Variants in SEMA5A observed in about 807,000 individuals in gnomAD.
SEMA5A encodes semaphorin-5A.
Under a neutral mutation model 135.5 loss-of-function variants are expected in SEMA5A, and 55 were observed. The observed-to-expected ratio is 0.41, with a 90% confidence interval of 0.33 to 0.51. The LOEUF (loss-of-function observed/expected upper bound fraction) is 0.51, where lower values mean the gene tolerates loss of function less well. Ranked by LOEUF, SEMA5A falls within the 20% of genes least tolerant of loss-of-function variation. The pLI is 0.37. For synonymous variants in SEMA5A, 580 were observed against 546.5 expected, an observed-to-expected ratio of 1.06 and a Z score of -0.85; for missense variants, 1,290 against 1,419.9, an observed-to-expected ratio of 0.91 and a Z score of 1.47.
chr5:9,148,965 C>A (rs987110642), intron 12 of SEMA5A, among the ~76,000 whole-genome samples: 22 of 152,272 alleles, frequency 1.4e-4, no homozygotes, highest in African/African-American at 5.3e-4. Context: ...AGTGATCTGC[C>A]CTCCTCAGCC....
chr5:9,155,317 C>A (rs780263168), intron 11 of SEMA5A, among the ~76,000 whole-genome samples: 8 of 152,098 alleles, frequency 5.3e-5, no homozygotes, highest in Non-Finnish European at 8.8e-5. Flanking sequence ...TAATTTCTGG[C>A]CTGATCCAAG....
At chr5:9,495,971 C>T (rs1002272720) in intron 1 of SEMA5A, among the ~76,000 whole-genome samples, 1 of 152,116 alleles carries the variant, frequency 6.6e-6, no homozygotes, top group Admixed American at 6.5e-5. Context: ...TCATGAGGAC[C>T]CAGATTTTTG....
intron 7 of SEMA5A, 56 bp downstream of exon 7, chr5:9,226,813 C>T (rs955098846): frequency 1.9e-5 from 26 of 1,354,700 alleles, no homozygotes; most frequent in Non-Finnish European, 2.6e-5. Flanking sequence ...TATTTTTACA[C>T]AATGTTTTGC....
At chr5:9,346,222 C>A (rs1468798909) in intron 3 of SEMA5A, among the ~76,000 whole-genome samples, 1 of 151,790 alleles carries the variant, frequency 6.6e-6, no homozygotes, top group East Asian at 1.9e-4. Flanking sequence ...GATGGTGTAA[C>A]TTTGAAGAAG....
intron 13 of SEMA5A, among the ~76,000 whole-genome samples, chr5:9,126,118 T>C (rs1057349742): frequency 2.0e-5 from 3 of 152,126 alleles, no homozygotes; most frequent in African/African-American, 7.2e-5. Flanking sequence ...ACACAATATA[T>C]AGGTCTGTAC....
At chr5:9,384,758 C>T (rs1013547092) in intron 2 of SEMA5A, among the ~76,000 whole-genome samples, 1 of 151,412 alleles carries the variant, frequency 6.6e-6, no homozygotes, top group African/African-American at 2.4e-5. Flanking sequence ...ATACATACAT[C>T]TGCATATGCA....
intron 1 of SEMA5A, among the ~76,000 whole-genome samples, chr5:9,535,877 G>A (rs903940704): frequency 6.6e-6 from 1 of 152,170 alleles, no homozygotes; most frequent in African/African-American, 2.4e-5. Flanking sequence ...CAAGAGCACC[G>A]TCCAGTGTGA....
intron 3 of SEMA5A, among the ~76,000 whole-genome samples, chr5:9,349,421 GA>G (rs565327883): frequency 3.9e-4 from 59 of 152,288 alleles, no homozygotes; most frequent in African/African-American, 1.3e-3. Flanking sequence ...CTGCCTTCAA[GA>G]CATTTATAAT....
chr5:9,216,262 T>C (rs996812692), intron 8 of SEMA5A, among the ~76,000 whole-genome samples: 49 of 152,286 alleles, frequency 3.2e-4, no homozygotes, highest in Non-Finnish European at 1.0e-4. Context: ...CCCAGGAGCA[T>C]GTTGTTCGAT....
At chr5:9,506,374 A>G (rs1026579672) in intron 1 of SEMA5A, among the ~76,000 whole-genome samples, 1 of 152,210 alleles carries the variant, frequency 6.6e-6, no homozygotes, top group Non-Finnish European at 1.5e-5. Flanking sequence ...TGACTCCCAA[A>G]TTATTTTTGA....
rs770401301 is a variant in SEMA5A, at chr5:9,227,006, T to C, written c.334-39A>G. The stretch of plus-strand genomic sequence containing the variant: ...AATAAATTAATTAAAAATATATATA[T>C]ATATGTATAATGATAAACATGCTAA... On this transcript the variant is annotated intron_variant, in intron 6 of 22. Coordinates refer to ENST00000382496, the MANE Select transcript of SEMA5A (RefSeq NM_003966.3). 6.0e-5 allele frequency: 61 copies of C among 1,018,124 alleles called. 1 individual carries two copies. Among genetic ancestry groups the C allele is most frequent in the Non-Finnish European group, 7.6e-5 (58 of 764,142 alleles). The allele number at this position is 1,018,124 out of a possible 1,614,324, so 63.1% of individuals were successfully genotyped here.
intron 16 of SEMA5A, among the ~76,000 whole-genome samples, chr5:9,069,072 C>T (rs2150078009): frequency 6.6e-6 from 1 of 152,314 alleles, no homozygotes; most frequent in East Asian, 1.9e-4. Context: ...TCAGGGTTTT[C>T]ACCGGGGTCT....
chr5:9,086,990 T>G (rs549243990), intron 16 of SEMA5A, among the ~76,000 whole-genome samples: 2 of 152,238 alleles, frequency 1.3e-5, no homozygotes, highest in Admixed American at 1.3e-4. Flanking sequence ...GCAACTCTGC[T>G]GCTTTCTCTG....
At chr5:9,483,390 C>T (rs1759954882) in intron 1 of SEMA5A, among the ~76,000 whole-genome samples, 1 of 152,148 alleles carries the variant, frequency 6.6e-6, no homozygotes, top group South Asian at 2.1e-4. Flanking sequence ...GTTTGCTAAT[C>T]ATGCTTAAAA....
In SEMA5A at chr5:9,036,881, G is replaced by A. The variant is rs1735681265; in HGVS notation, c.*6016C>T. 6.6e-6 allele frequency: 1 copy of A among 152,610 alleles called. No individual in the cohort carries two copies. Among genetic ancestry groups the A allele is most frequent in the Admixed American group, 6.5e-5 (1 of 15,280 alleles). The allele number at this position is 152,610 out of a possible 1,614,324, so 9.5% of individuals were successfully genotyped here. On this transcript the variant is annotated 3_prime_UTR_variant, in exon 23 of 23. Coordinates refer to ENST00000382496, the MANE Select transcript of SEMA5A (RefSeq NM_003966.3). Reference sequence around the variant, plus strand: ...TTAAACTACCGCACTTACAGAGAGGGAAGAAAATGATGCTCTCATTTTAGC... The same window carrying A: ...TTAAACTACCGCACTTACAGAGAGGAAAGAAAATGATGCTCTCATTTTAGC...
In SEMA5A at chr5:9,407,028, C is replaced by T. The variant is rs115873564; in HGVS notation, c.-77-27005G>A. Among the ~76,000 whole-genome samples, 724 of 152,340 alleles carry T rather than the reference C, an allele frequency of 4.8e-3. 6 individuals carry two copies. Among genetic ancestry groups the T allele is most frequent in the African/African-American group, 0.016 (678 of 41,580 alleles). On this transcript the variant is annotated intron_variant, in intron 2 of 22. Coordinates refer to ENST00000382496, the MANE Select transcript of SEMA5A (RefSeq NM_003966.3). ...GACAGGATACATGTTTATTGTGGAT[C>T]TGTCCTGTGCATTGAAGGATGCTTA...
At chr5:9,131,807 G>A (rs1192694913) in intron 13 of SEMA5A, among the ~76,000 whole-genome samples, 1 of 151,848 alleles carries the variant, frequency 6.6e-6, no homozygotes, top group African/African-American at 2.4e-5. Flanking sequence ...TCATATTTGT[G>A]GGGAGTGAAC....
At position 9,197,273 on chromosome 5, in the gene SEMA5A, G is replaced by A; in HGVS notation, c.963C>T (p.Val321=). 1 of 1,614,058 alleles carries A rather than the reference G, an allele frequency of 6.2e-7. No individual in the cohort carries two copies. Among genetic ancestry groups the A allele is most frequent in the Non-Finnish European group, 8.5e-7 (1 of 1,180,012 alleles). ...VNSIAASAVC[V]FNLSAIAQAF... ...CCTGCGCGATGGCGCTCAGGTTGAA[G>A]ACGCACACAGCTGAGGCCGCAATGC... The change falls in exon 10 of 23, where the codon GTC becomes GTT. Residue 321 remains valine (V), a synonymous_variant. Coordinates refer to ENST00000382496, the MANE Select transcript of SEMA5A (RefSeq NM_003966.3).
At chr5:9,184,806 C>T (rs558452486) in intron 11 of SEMA5A, among the ~76,000 whole-genome samples, 1 of 152,256 alleles carries the variant, frequency 6.6e-6, no homozygotes, top group South Asian at 2.1e-4. Context: ...TGGCACATGT[C>T]CTGCTCCTGC....
Sources: allele counts gnomAD v4.1 joint callset (sites outside exome capture counted in the v4.1 genomes callset), GRCh38; gene constraint gnomAD v4.1.1; transcripts MANE v1.5; gene names NCBI Gene and HGNC (gene_info 2026-07-23, HGNC 2026-07-21).